Variants in TLK1 observed in about 807,000 individuals in gnomAD.
TLK1 encodes tousled like kinase 1.
In TLK1, 24 loss-of-function variants were observed where a neutral mutation model predicts 105.3. The observed-to-expected ratio is 0.23, with a 90% CI of 0.17 to 0.32. TLK1 has a LOEUF of 0.32. Ranked by LOEUF, TLK1 falls within the 10% of genes least tolerant of loss-of-function variation. The pLI, the probability that TLK1 is intolerant of heterozygous loss-of-function variation, is 1.00. For missense variants in TLK1, 558 were observed against 910.5 expected, an observed-to-expected ratio of 0.61 and a Z score of 4.98; for synonymous variants, 321 against 310.4, an observed-to-expected ratio of 1.03 and a Z score of -0.36.
At chr2:171,050,304 G>GA (rs72027962) in intron 8 of TLK1, 130 bp from the exon 9 acceptor site, 11,403 of 404,876 alleles carry the variant, frequency 0.028, no homozygotes, top group Middle Eastern at 0.038. Context: ...TATGATACGA[G>GA]AAAAAAAAAA....
chr2:171,091,146 C>G (rs1002376970), intron 2 of TLK1, among the ~76,000 whole-genome samples: 1 of 152,182 alleles, frequency 6.6e-6, no homozygotes, highest in South Asian at 2.1e-4. Context: ...TAAAATGGCA[C>G]AGTTGAGTAG....
intron 2 of TLK1, among the ~76,000 whole-genome samples, chr2:171,102,910 TTAG>T (rs1216673212): frequency 6.6e-6 from 1 of 151,976 alleles, no homozygotes; most frequent in African/African-American, 2.4e-5. Flanking sequence ...CACATAAATT[TTAG>T]TATTACCTAT....
At chr2:171,049,690 G>A (rs2105428764) in intron 10 of TLK1, 124 bp downstream of exon 10, 1 of 1,190,106 alleles carries the variant, frequency 8.4e-7, no homozygotes, top group East Asian at 2.5e-5. Context: ...CCTTTCAAAG[G>A]TACTAAATTC....
At chr2:171,203,814 C>T (rs1693447097) in intron 1 of TLK1, among the ~76,000 whole-genome samples, 2 of 152,124 alleles carry the variant, frequency 1.3e-5, no homozygotes, top group African/African-American at 4.8e-5. Flanking sequence ...CTTTGGGAGG[C>T]TGTAGCTGGT....
intron 3 of TLK1, among the ~76,000 whole-genome samples, chr2:171,073,816 G>A (rs1688367274): frequency 6.6e-6 from 1 of 150,486 alleles, no homozygotes; most frequent in Admixed American, 6.6e-5. Flanking sequence ...GAACTTTTAA[G>A]TCTAATAATT....
intron 18 of TLK1, among the ~76,000 whole-genome samples, chr2:170,998,065 TCTATCTATCTATCTATCTATCTATCTAC>T: frequency 2.9e-5 from 2 of 69,602 alleles, no homozygotes; most frequent in African/African-American, 7.6e-5. Context: ...TATCTATCTA[TCTATCTATCTATCTATCTATCTATCTAC>T]CTACCTACCT....
chr2:171,201,735 G>C (rs956664666), intron 1 of TLK1, among the ~76,000 whole-genome samples: 3 of 152,116 alleles, frequency 2.0e-5, no homozygotes, highest in Admixed American at 1.3e-4. Context: ...TCCTTAAAGG[G>C]AGCTGTTCCA....
At chr2:171,061,183 T>A (rs1321970020) in intron 3 of TLK1, 27 bp from the exon 4 acceptor site, 2 of 1,607,596 alleles carry the variant, frequency 1.2e-6, no homozygotes, top group Admixed American at 1.7e-5. Flanking sequence ...AACAGATTTT[T>A]AAATGACAGT....
intron 11 of TLK1, among the ~76,000 whole-genome samples, chr2:171,030,972 A>C (rs1686013871): frequency 6.6e-6 from 1 of 151,848 alleles, no homozygotes; most frequent in South Asian, 2.1e-4. Flanking sequence ...GTGTGTTGTT[A>C]GGCTACTCAC....
At position 170,990,882 on chromosome 2, in the gene TLK1, ACTCTTT is replaced by A. The variant is rs1193397284; in HGVS notation, c.*2892_*2897del. 6.7e-6 allele frequency: 1 copy of A among 150,086 alleles called. No homozygotes were observed. Among genetic ancestry groups the A allele is most frequent in the African/African-American group, 2.5e-5 (1 of 40,658 alleles). 9.3% of individuals were successfully genotyped at this position (150,086 alleles called of 1,614,324 possible). A position where few individuals can be genotyped will look rare whatever the true frequency, so the allele number is the denominator to read the frequency against. On this transcript the variant is annotated 3_prime_UTR_variant, in exon 21 of 21. Transcript: ENST00000431350. ...TGAACAGCAAAACAACACACAATAT[ACTCTTT>A]AAATGTTTCACTGAAGCTCTTCACC...
intron 20 of TLK1, 70 bp downstream of exon 20, chr2:170,996,583 T>C (rs1052807622): frequency 4.6e-5 from 60 of 1,308,728 alleles, no homozygotes; most frequent in Admixed American, 9.4e-5. Flanking sequence ...TGGAAAGTAC[T>C]TACCTTGTTG....
At chr2:171,128,670 GTTCCTC>G (rs1690968277) in intron 1 of TLK1, among the ~76,000 whole-genome samples, 1 of 152,004 alleles carries the variant, frequency 6.6e-6, no homozygotes, top group Non-Finnish European at 1.5e-5. Flanking sequence ...AACTAACCAA[GTTCCTC>G]TTCCTCTAGC....
chr2:171,026,615 A>G (rs1456610702), intron 12 of TLK1, among the ~76,000 whole-genome samples: 2 of 152,188 alleles, frequency 1.3e-5, no homozygotes, highest in African/African-American at 4.8e-5. Context: ...TGGAATCACT[A>G]TAACTAAGTA....
intron 1 of TLK1, among the ~76,000 whole-genome samples, chr2:171,138,356 A>T (rs1423543636): frequency 6.6e-6 from 1 of 152,310 alleles, no homozygotes; most frequent in Non-Finnish European, 1.5e-5. Flanking sequence ...GAGAGTAGAG[A>T]ACTACTATAA....
chr2:171,198,854 T>C (rs1693327416), intron 1 of TLK1, among the ~76,000 whole-genome samples: 1 of 152,246 alleles, frequency 6.6e-6, no homozygotes, highest in Non-Finnish European at 1.5e-5. Context: ...TACCTGTTGA[T>C]CAATTTTAAA....
At chr2:171,166,421 G>C (rs1003615548) in intron 1 of TLK1, among the ~76,000 whole-genome samples, 22 of 152,254 alleles carry the variant, frequency 1.4e-4, no homozygotes, top group African/African-American at 4.8e-4. Flanking sequence ...CCATCTAGCA[G>C]GGGAAGAATA....
At chr2:171,155,680 T>C (rs1692205319) in intron 1 of TLK1, 1 of 152,200 alleles carries the variant, frequency 6.6e-6, no homozygotes, top group Admixed American at 6.5e-5. Context: ...CCAAAAAATA[T>C]GTCCCTGTAG....
At chr2:171,039,132 T>G (rs548907731) in intron 11 of TLK1, among the ~76,000 whole-genome samples, 1 of 152,210 alleles carries the variant, frequency 6.6e-6, no homozygotes, top group African/African-American at 2.4e-5. Flanking sequence ...TTCTTTTGGG[T>G]GGTGTTTGCC....
intron 2 of TLK1, among the ~76,000 whole-genome samples, chr2:171,094,091 G>C (rs1199867177): frequency 1.3e-5 from 2 of 152,148 alleles, no homozygotes; most frequent in African/African-American, 4.8e-5. Context: ...TCAACTAGAG[G>C]AGAAATTACG....
Sources: gnomAD v4.1 joint callset for allele counts (sites outside exome capture counted in the v4.1 genomes callset) on GRCh38, gnomAD v4.1.1 for gene constraint, MANE v1.5 for transcripts, NCBI Gene and HGNC (gene_info 2026-07-23, HGNC 2026-07-21) for gene names.